WDR49: variants seen among roughly 807,000 people sequenced by gnomAD.
WDR49 encodes cilia- and flagella-associated protein 337.
In WDR49, 107 loss-of-function variants were observed where a neutral mutation model predicts 119.5. The ratio of observed to expected loss-of-function variants is 0.90; its 90% confidence interval spans 0.77 to 1.05. WDR49 has a LOEUF of 1.05. Among genes scored for constraint, WDR49 ranks in the 50% least tolerant of loss-of-function variants. The pLI, the probability that WDR49 is intolerant of heterozygous loss-of-function variation, is 0.00. For missense variants in WDR49, 1,240 were observed against 1,220.5 expected (o/e 1.02, Z -0.24); for synonymous variants, 425 against 418.8 (o/e 1.01, Z -0.18).
chr3:167,630,463 T>G (rs940938208), intron 2 of WDR49, among the ~76,000 whole-genome samples: 4 of 152,106 alleles, frequency 2.6e-5, no homozygotes, highest in Admixed American at 2.6e-4. Flanking sequence ...TGATACCCAC[T>G]TTACTGCAGT....
chr3:167,593,385 T>C (rs1027601057), intron 7 of WDR49, among the ~76,000 whole-genome samples: 4 of 151,890 alleles, frequency 2.6e-5, no homozygotes, highest in African/African-American at 9.7e-5. Context: ...GATTCTGCTA[T>C]TAAAACACTG....
chr3:167,501,882 A>G (rs193000518), intron 17 of WDR49, among the ~76,000 whole-genome samples: 8 of 152,320 alleles, frequency 5.3e-5, no homozygotes, highest in African/African-American at 1.9e-4. Flanking sequence ...GAAAGAATAA[A>G]AATTCTGGTG....
At chr3:167,534,480 C>T in intron 11 of WDR49, among the ~76,000 whole-genome samples, 1 of 152,142 alleles carries the variant, frequency 6.6e-6, no homozygotes, top group Non-Finnish European at 1.5e-5. Context: ...GGTGGCCTTC[C>T]AGTGGCTATA....
intron 11 of WDR49, among the ~76,000 whole-genome samples, chr3:167,533,855 G>T (rs1752929846): frequency 6.6e-6 from 1 of 152,010 alleles, no homozygotes; most frequent in Non-Finnish European, 1.5e-5. Context: ...GAGTTTGGGT[G>T]GGATGTACAA....
intron 16 of WDR49, 82 bp from the exon 17 acceptor site, chr3:167,505,498 CA>C (rs1353470244): frequency 9.3e-5 from 125 of 1,348,782 alleles, no homozygotes; most frequent in Middle Eastern, 2.1e-4. Flanking sequence ...TATCTTTGAC[CA>C]AAAAAAACAA....
intron 10 of WDR49, 40 bp from the exon 11 acceptor site, chr3:167,537,040 T>C (rs768433668): frequency 6.5e-7 from 1 of 1,532,266 alleles, no homozygotes; most frequent in Non-Finnish European, 8.8e-7. Flanking sequence ...GGATCTAAAA[T>C]TGATGTAGAC....
chr3:167,539,226 T>C (rs1480263112), intron 10 of WDR49, among the ~76,000 whole-genome samples: 1 of 152,196 alleles, frequency 6.6e-6, no homozygotes, highest in Non-Finnish European at 1.5e-5. Flanking sequence ...TTTAAATTTA[T>C]TTTTTGCTTG....
intron 7 of WDR49, among the ~76,000 whole-genome samples, chr3:167,585,895 A>G (rs924392458): frequency 1.3e-5 from 2 of 152,168 alleles, no homozygotes; most frequent in African/African-American, 4.8e-5. Context: ...TACTTTTTGC[A>G]CTACATGCTT....
intron 2 of WDR49, among the ~76,000 whole-genome samples, chr3:167,641,172 G>A (rs1039652564): frequency 5.3e-5 from 8 of 151,830 alleles, no homozygotes; most frequent in Non-Finnish European, 1.0e-4. Context: ...ATAAGGGTTC[G>A]AGCCAATGAT....
Position 167,536,876 on chromosome 3 carries a change from C to T in WDR49, c.1948G>A (p.Val650Ile), listed in dbSNP as rs141070141. The T allele has an allele frequency of 1.3e-6, 2 of 1,502,576 alleles. No individual in the cohort carries two copies. Among genetic ancestry groups the T allele is most frequent in the Non-Finnish European group, 1.8e-6 (2 of 1,123,914 alleles). 93.1% of individuals were successfully genotyped at this position (1,502,576 alleles called of 1,614,324 possible). The change falls in exon 11 of 19, where the codon GTT (valine) becomes ATT (isoleucine). Residue 650 changes from valine (V) to isoleucine (I), a missense_variant. By Grantham distance (29) the Val-to-Ile change is conservative. Coordinates refer to ENST00000682715, the MANE Select transcript of WDR49 (RefSeq NM_001366157.1). ...AAGTGAAAGTTCAATTTACCCGTAACAAGAGTTTGTGGAGGTAAAAACGCA... is the reference window on the plus strand; with the variant it reads ...AAGTGAAAGTTCAATTTACCCGTAATAAGAGTTTGTGGAGGTAAAAACGCA... ...CAAFLPPQTLVTGSYDGEIVL... is the reference protein window; with the variant it reads ...CAAFLPPQTLITGSYDGEIVL...
intron 5 of WDR49, 91 bp downstream of exon 5, chr3:167,620,338 T>C: frequency 7.5e-7 from 1 of 1,331,130 alleles, no homozygotes; most frequent in African/African-American, 1.5e-5. Context: ...TTTCTAGACT[T>C]AAAGGTTTTG....
At position 167,583,296 on chromosome 3, in the gene WDR49, A is replaced by T. The variant is rs74286631; in HGVS notation, c.1276-7145T>A. Reference sequence around the variant, plus strand: ...TCAATATTTATACTAACAACTTTAAAAAAAATCAAAAGCAGCTACAGCATG... The same window carrying T: ...TCAATATTTATACTAACAACTTTAATAAAAATCAAAAGCAGCTACAGCATG... On this transcript the variant is annotated intron_variant, in intron 7 of 18. Coordinates refer to ENST00000682715, the MANE Select transcript of WDR49 (RefSeq NM_001366157.1). Among the ~76,000 whole-genome samples, 1,035 of 152,236 alleles carry T rather than the reference A, an allele frequency of 6.8e-3. 57 individuals carry two copies. In the East Asian group the frequency reaches 0.13, roughly 20 times the overall value.
intron 10 of WDR49, among the ~76,000 whole-genome samples, chr3:167,548,220 T>A (rs1231772096): frequency 6.6e-6 from 1 of 151,988 alleles, no homozygotes; most frequent in Admixed American, 6.6e-5. Flanking sequence ...ATTAAAGAAT[T>A]ATACAGGATG....
At chr3:167,557,981 T>A (rs574539928) in intron 9 of WDR49, among the ~76,000 whole-genome samples, 1 of 152,104 alleles carries the variant, frequency 6.6e-6, no homozygotes, top group African/African-American at 2.4e-5. Context: ...CCAGGCACAG[T>A]GGCACGTGTT....
chr3:167,566,198 A>G (rs890700625), intron 8 of WDR49, among the ~76,000 whole-genome samples: 4 of 152,232 alleles, frequency 2.6e-5, no homozygotes, highest in Non-Finnish European at 5.9e-5. Context: ...TCAAGATTAC[A>G]GATGTAAATA....
intron 18 of WDR49, among the ~76,000 whole-genome samples, chr3:167,488,631 G>A (rs1751012866): frequency 6.6e-6 from 1 of 152,016 alleles, no homozygotes. Context: ...CCAACTTCTT[G>A]CCTCCCTGGC....
Position 167,501,138 on chromosome 3 carries a change from T to C in WDR49, c.2885-839A>G, listed in dbSNP as rs528739979. Among the ~76,000 whole-genome samples, 4 of 152,282 alleles carry C rather than the reference T, an allele frequency of 2.6e-5. No individual in the cohort carries two copies. The South Asian group carries it at 8.3e-4, about 32-fold the overall frequency. On this transcript the variant is annotated intron_variant, in intron 17 of 18. Transcript: ENST00000682715. Reference sequence around the variant, plus strand: ...AAAGCAGGGATGAGGGTCTCATAATTTACATTTCTAATAAGTTCTAGTTGA... The same window carrying C: ...AAAGCAGGGATGAGGGTCTCATAATCTACATTTCTAATAAGTTCTAGTTGA...
intron 7 of WDR49, among the ~76,000 whole-genome samples, chr3:167,587,393 G>GCTGTCAA (rs1207268662): frequency 6.6e-6 from 1 of 152,150 alleles, no homozygotes; most frequent in African/African-American, 2.4e-5. Context: ...TTCACTTCAA[G>GCTGTCAA]CTGTCAACAT....
At chr3:167,494,454 T>A (rs1370360567) in intron 18 of WDR49, among the ~76,000 whole-genome samples, 1 of 151,648 alleles carries the variant, frequency 6.6e-6, no homozygotes, top group Non-Finnish European at 1.5e-5. Flanking sequence ...AGGTTATCAT[T>A]CTCACTGCAC....
Sources: gnomAD v4.1 joint callset for allele counts (sites outside exome capture counted in the v4.1 genomes callset) on GRCh38, gnomAD v4.1.1 for gene constraint, MANE v1.5 for transcripts, NCBI Gene and HGNC (gene_info 2026-07-23, HGNC 2026-07-21) for gene names.